TBCA: variants seen among roughly 807,000 people sequenced by gnomAD.
TBCA encodes tubulin-specific chaperone A.
Under a neutral mutation model 15.8 loss-of-function variants are expected in TBCA, and 6 were observed. That is an observed-to-expected ratio of 0.38 (90% CI 0.21 to 0.75). The LOEUF is 0.75. Among genes scored for constraint, TBCA ranks in the 30% least tolerant of loss-of-function variants. TBCA has a pLI of 0.46. For synonymous variants in TBCA, 32 were observed against 42.3 expected, an observed-to-expected ratio of 0.76 and a Z score of 0.94; for missense variants, 90 against 131.2, an observed-to-expected ratio of 0.69 and a Z score of 1.53.
intron 1 of TBCA, among the ~76,000 whole-genome samples, chr5:77,767,299 A>G (rs1304707474): frequency 6.6e-6 from 1 of 152,002 alleles, no homozygotes; most frequent in African/African-American, 2.4e-5. Context: ...ACACACAAGC[A>G]CACACACACA....
chr5:77,743,831 C>T (rs1404272254), intron 1 of TBCA, among the ~76,000 whole-genome samples: 1 of 152,110 alleles, frequency 6.6e-6, no homozygotes, highest in African/African-American at 2.4e-5. Flanking sequence ...TCCCATTTCA[C>T]AAAGTTGTGC....
chr5:77,713,156 C>T (rs539096752), intron 1 of TBCA, among the ~76,000 whole-genome samples: 117 of 152,050 alleles, frequency 7.7e-4, no homozygotes, highest in African/African-American at 2.6e-3. Flanking sequence ...ATTAGCCAGG[C>T]GTGGTGGCAT....
intron 1 of TBCA, among the ~76,000 whole-genome samples, chr5:77,754,510 A>C (rs967039475): frequency 7.2e-5 from 11 of 152,210 alleles, no homozygotes; most frequent in Middle Eastern, 3.2e-3. Context: ...ATTCCACTAC[A>C]TTTACTTAAC....
intron 2 of TBCA, among the ~76,000 whole-genome samples, chr5:77,694,972 T>C (rs1745842455): frequency 6.6e-6 from 1 of 152,248 alleles, no homozygotes; most frequent in Non-Finnish European, 1.5e-5. Flanking sequence ...TGCCATTAAA[T>C]TATTTTTGTG....
intron 1 of TBCA, among the ~76,000 whole-genome samples, chr5:77,765,707 C>G (rs1185610996): frequency 6.6e-6 from 1 of 152,094 alleles, no homozygotes; most frequent in Admixed American, 6.5e-5. Flanking sequence ...CTGCTCTTGG[C>G]CACACCTGGC....
intron 1 of TBCA, among the ~76,000 whole-genome samples, chr5:77,764,417 GATTA>G (rs1747727067): frequency 6.6e-6 from 1 of 152,106 alleles, no homozygotes; most frequent in South Asian, 2.1e-4. Context: ...CAAGGATTAA[GATTA>G]ATTCAGTTCT....
At chr5:77,730,614 A>G (rs528885543) in intron 1 of TBCA, among the ~76,000 whole-genome samples, 4 of 89,702 alleles carry the variant, frequency 4.5e-5, no homozygotes, top group South Asian at 6.2e-4. Flanking sequence ...AAGGACTTCA[A>G]TTCAAGTGAT....
chr5:77,768,433 G>A (rs2112517275), intron 1 of TBCA, among the ~76,000 whole-genome samples: 1 of 152,226 alleles, frequency 6.6e-6, no homozygotes, highest in East Asian at 1.9e-4. Context: ...GTGGAGCCTG[G>A]GAGCCCATCT....
chr5:77,722,839 A>G (rs1746554623), intron 1 of TBCA, among the ~76,000 whole-genome samples: 1 of 151,824 alleles, frequency 6.6e-6, no homozygotes, highest in African/African-American at 2.4e-5. Context: ...ATATAAAATA[A>G]AATATATTAT....
At chr5:77,705,823 C>T (rs776708929) in intron 2 of TBCA, among the ~76,000 whole-genome samples, 1 of 151,972 alleles carries the variant, frequency 6.6e-6, no homozygotes, top group Non-Finnish European at 1.5e-5. Flanking sequence ...ACAGAGAGAT[C>T]CCACTGCCCA....
At chr5:77,742,529 GA>G (rs1265309419) in intron 1 of TBCA, among the ~76,000 whole-genome samples, 2 of 152,046 alleles carry the variant, frequency 1.3e-5, no homozygotes, top group Non-Finnish European at 2.9e-5. Flanking sequence ...GTAAAGAAAA[GA>G]AAAAACAAAG....
At chr5:77,770,048 G>T (rs1747871362) in intron 1 of TBCA, among the ~76,000 whole-genome samples, 1 of 152,146 alleles carries the variant, frequency 6.6e-6, no homozygotes, top group Non-Finnish European at 1.5e-5. Flanking sequence ...TTGAAAGCTG[G>T]CTTTAAAGTT....
At chr5:77,773,932 G>A (rs763823930) in intron 1 of TBCA, among the ~76,000 whole-genome samples, 6 of 152,078 alleles carry the variant, frequency 3.9e-5, no homozygotes, top group Non-Finnish European at 5.9e-5. Context: ...AAGTTCTAAT[G>A]AACACTGAAG....
intron 1 of TBCA, among the ~76,000 whole-genome samples, chr5:77,770,431 G>A (rs139610229): frequency 1.3e-5 from 2 of 152,286 alleles, no homozygotes; most frequent in Non-Finnish European, 2.9e-5. Flanking sequence ...ACAGAGCTAT[G>A]TTAGCTAGTT....
intron 1 of TBCA, among the ~76,000 whole-genome samples, chr5:77,726,669 C>T (rs796531054): frequency 6.6e-6 from 1 of 151,454 alleles, no homozygotes; most frequent in African/African-American, 2.4e-5. Flanking sequence ...TCTTCACTTC[C>T]CCAGCTTCCA....
At chr5:77,762,933 C>G (rs972714817) in intron 1 of TBCA, among the ~76,000 whole-genome samples, 14 of 152,138 alleles carry the variant, frequency 9.2e-5, no homozygotes, top group African/African-American at 3.4e-4. Context: ...TGCTATTTAT[C>G]TTGGAGACGC....
chr5:77,737,234 T>C (rs971399540), intron 1 of TBCA, among the ~76,000 whole-genome samples: 1 of 152,162 alleles, frequency 6.6e-6, no homozygotes, highest in Admixed American at 6.5e-5. Flanking sequence ...TTGTGGATCT[T>C]AGACTGAAAT....
At chr5:77,702,500 G>A (rs1424758238) in intron 2 of TBCA, among the ~76,000 whole-genome samples, 1 of 152,196 alleles carries the variant, frequency 6.6e-6, no homozygotes, top group Non-Finnish European at 1.5e-5. Flanking sequence ...GGTTTTGGGA[G>A]CAGAGAGGAT....
In TBCA at chr5:77,699,033, C is replaced by CAAAAAAAA. The variant is rs71608119; in HGVS notation, c.160-5689_160-5682dup. 1.0e-3 allele frequency among the ~76,000 whole-genome samples: 72 copies of CAAAAAAAA among 70,068 alleles called. 2 individuals are homozygous for CAAAAAAAA. The highest frequency in any genetic ancestry group is 2.8e-3 in the East Asian group (5 of 1,798). 46.0% of individuals were successfully genotyped at this position (70,068 alleles called of 152,430 possible). ...AAAACAATACCATTTGCAAGAGCAT[C>CAAAAAAAA]AAAAAAAAAAAAAAAAAAAAAAAAA... On this transcript the variant is annotated intron_variant, in intron 2 of 3. Transcript: ENST00000380377.
Sources: allele counts gnomAD v4.1 joint callset (sites outside exome capture counted in the v4.1 genomes callset), GRCh38; gene constraint gnomAD v4.1.1; transcripts MANE v1.5; gene names NCBI Gene and HGNC (gene_info 2026-07-23, HGNC 2026-07-21).